PTPRN2: variants seen among roughly 807,000 people sequenced by gnomAD.
PTPRN2 encodes receptor-type tyrosine-protein phosphatase N2.
Under a neutral mutation model 118.8 loss-of-function variants are expected in PTPRN2, and 74 were observed. That is an observed-to-expected ratio of 0.62 (90% CI 0.52 to 0.76). The LOEUF (loss-of-function observed/expected upper bound fraction) is 0.76, where lower values mean the gene tolerates loss of function less well. Among genes scored for constraint, PTPRN2 ranks in the 30% least tolerant of loss-of-function variants. PTPRN2 has a pLI of 0.00. For synonymous variants in PTPRN2, 641 were observed against 608.0 expected (o/e 1.05, Z -0.80); for missense variants, 1,481 against 1,394.4 (o/e 1.06, Z -0.99).
chr7:158,228,901 G>A (rs901355671), intron 3 of PTPRN2, among the ~76,000 whole-genome samples: 1 of 152,084 alleles, frequency 6.6e-6, no homozygotes, highest in Admixed American at 6.5e-5. Flanking sequence ...AGAGATAAAA[G>A]GGGGAGGTGG....
Position 157,877,329 on chromosome 7 carries a change from C to G in PTPRN2, c.1788+21344G>C, listed in dbSNP as rs1434981578. On this transcript the variant is annotated intron_variant, in intron 12 of 22. Transcript: ENST00000389418. ...GGGACCCCGGGTCCGAGTGCAGCAC[C>G]AGGGTTTTCTCGGGGACCCCGGGTC... 2.7e-5 allele frequency among the ~76,000 whole-genome samples: 4 copies of G among 149,940 alleles called. 1 individual carries two copies. Among genetic ancestry groups the G allele is most frequent in the South Asian group, 4.3e-4 (2 of 4,698 alleles).
At chr7:158,320,129 T>TTG (rs1802867306) in intron 2 of PTPRN2, among the ~76,000 whole-genome samples, 1 of 46,518 alleles carries the variant, frequency 2.1e-5, no homozygotes, top group African/African-American at 9.1e-5. Context: ...ACAGCCTCCC[T>TTG]CACACACACA....
intron 21 of PTPRN2, among the ~76,000 whole-genome samples, chr7:157,567,416 G>A (rs1365371832): frequency 6.6e-6 from 1 of 152,228 alleles, no homozygotes; most frequent in East Asian, 1.9e-4. Flanking sequence ...GGGTAGGTGT[G>A]GGGTGTGGGG....
At chr7:158,151,636 G>A (rs1042220654) in intron 6 of PTPRN2, among the ~76,000 whole-genome samples, 1 of 152,140 alleles carries the variant, frequency 6.6e-6, no homozygotes, top group Non-Finnish European at 1.5e-5. Flanking sequence ...GCTTCAGGAG[G>A]TGAAATACTC....
intron 3 of PTPRN2, among the ~76,000 whole-genome samples, chr7:158,209,971 A>C (rs914390811): frequency 5.9e-5 from 9 of 152,096 alleles, no homozygotes; most frequent in African/African-American, 2.2e-4. Context: ...GAGGAAATTA[A>C]GGAGAAAATT....
chr7:158,392,971 C>T (rs958177143), intron 2 of PTPRN2, among the ~76,000 whole-genome samples: 3 of 152,212 alleles, frequency 2.0e-5, no homozygotes, highest in African/African-American at 7.2e-5. Context: ...ACCACCAGCC[C>T]CTCCAGGGAG....
chr7:158,197,132 C>CAGCA (rs1188237482), intron 4 of PTPRN2, among the ~76,000 whole-genome samples: 1 of 152,216 alleles, frequency 6.6e-6, no homozygotes, highest in Non-Finnish European at 1.5e-5. Flanking sequence ...TCTCCAAACA[C>CAGCA]AGCACTGTGG....
chr7:158,307,562 G>C (rs1242265845), intron 3 of PTPRN2, among the ~76,000 whole-genome samples: 1 of 152,110 alleles, frequency 6.6e-6, no homozygotes, highest in Non-Finnish European at 1.5e-5. Context: ...TGGAAAACAT[G>C]AATCTACATA....
intron 13 of PTPRN2, among the ~76,000 whole-genome samples, chr7:157,661,418 G>C: frequency 6.6e-6 from 1 of 152,280 alleles, no homozygotes; most frequent in East Asian, 1.9e-4. Flanking sequence ...CGCGCGGCCG[G>C]GGACGCTGCT....
intron 1 of PTPRN2, among the ~76,000 whole-genome samples, chr7:158,554,771 G>C (rs1356154797): frequency 1.3e-5 from 2 of 152,218 alleles, no homozygotes; most frequent in Admixed American, 1.3e-4. Context: ...ACTATAGGAT[G>C]TGGCTCCCCC....
chr7:157,793,994 C>G (rs1039479784), intron 12 of PTPRN2, among the ~76,000 whole-genome samples: 1 of 152,190 alleles, frequency 6.6e-6, no homozygotes, highest in African/African-American at 2.4e-5. Context: ...AGCCCCTTCC[C>G]GGGTCCCCAC....
At chr7:158,284,629 T>C (rs1404191659) in intron 3 of PTPRN2, among the ~76,000 whole-genome samples, 1 of 152,110 alleles carries the variant, frequency 6.6e-6, no homozygotes, top group Non-Finnish European at 1.5e-5. Context: ...CCCCTTCCTG[T>C]CCCACTCCAT....
At position 157,618,780 on chromosome 7, in the gene PTPRN2, T is replaced by A. The variant is rs1021563623; in HGVS notation, c.2344+2582A>T. The A allele has an allele frequency of 1.1e-4, 16 of 152,268 alleles. No individual in the cohort carries two copies. Among genetic ancestry groups the A allele is most frequent in the African/African-American group, 3.9e-4 (16 of 41,458 alleles). 9.4% of individuals were successfully genotyped at this position (152,268 alleles called of 1,614,324 possible). On this transcript the variant is annotated intron_variant, in intron 15 of 22. Transcript: ENST00000389418. The surrounding 1 kb of genome is among the most constrained non-coding windows in gnomAD (Gnocchi z 4.2). The stretch of plus-strand genomic sequence containing the variant: ...ATGTGTTCATGAAAATATTTCTATC[T>A]AGGGTTCTCCCAGGAGGTGAACTTG...
intron 2 of PTPRN2, among the ~76,000 whole-genome samples, chr7:158,319,602 G>C (rs1390121284): frequency 2.8e-4 from 4 of 14,178 alleles, no homozygotes; most frequent in Non-Finnish European, 5.9e-4. Context: ...CACGCACACA[G>C]CCTCCCTTGT....
intron 11 of PTPRN2, among the ~76,000 whole-genome samples, chr7:158,076,384 C>T (rs973944001): frequency 6.6e-5 from 10 of 152,310 alleles, no homozygotes; most frequent in Middle Eastern, 3.4e-3. Context: ...CTCCACCTGG[C>T]GTGGCCTCCC....
chr7:157,578,057 C>T lies in PTPRN2; in HGVS notation c.2580G>A (p.Trp860Ter). 6.2e-7 allele frequency: 1 copy of T among 1,613,468 alleles called. No homozygotes were observed. Among genetic ancestry groups the T allele is most frequent in the Non-Finnish European group, 8.5e-7 (1 of 1,179,568 alleles). ...GGTAGAGATTGGAGCCTTCATCCGG[C>T]CAGTAGTGGTAGCACTGCCGGACGC... ...ENGVRQCYHY[W>*]PDEGSNLYHI... Residue 860 changes from tryptophan (W) to a stop codon, truncating the protein, a stop_gained, in exon 18 of 23, where the codon TGG (tryptophan) becomes TGA (stop). Coordinates refer to ENST00000389418, the MANE Select transcript of PTPRN2 (RefSeq NM_002847.5). LOFTEE classifies it high-confidence loss of function.
Position 158,079,049 on chromosome 7 carries a change from G to A in PTPRN2, c.1723+2249C>T, listed in dbSNP as rs185021267. Reference sequence around the variant, plus strand: ...GTAGAGATGGGGTTTCACCATATTGGTCAGTCTGGTCTTGAACTCCCAACC... The same window carrying A: ...GTAGAGATGGGGTTTCACCATATTGATCAGTCTGGTCTTGAACTCCCAACC... On this transcript the variant is annotated intron_variant, in intron 11 of 22. Coordinates refer to ENST00000389418, the MANE Select transcript of PTPRN2 (RefSeq NM_002847.5). Among the ~76,000 whole-genome samples, 639 of 152,148 alleles carry A rather than the reference G, an allele frequency of 4.2e-3. 3 individuals are homozygous for A. Among genetic ancestry groups the A allele is most frequent in the Non-Finnish European group, 6.9e-3 (471 of 67,998 alleles).
chr7:158,540,883 G>A (rs1563414441), intron 1 of PTPRN2, among the ~76,000 whole-genome samples: 2 of 152,366 alleles, frequency 1.3e-5, no homozygotes, highest in South Asian at 4.1e-4. Flanking sequence ...CCAGTGGCTG[G>A]TAACAACGTG....
At chr7:158,263,233 A>G (rs1461951949) in intron 3 of PTPRN2, among the ~76,000 whole-genome samples, 1 of 152,148 alleles carries the variant, frequency 6.6e-6, no homozygotes, top group Non-Finnish European at 1.5e-5. Flanking sequence ...GCATGTGCCT[A>G]CTGTATGCAT....
Sources: allele counts gnomAD v4.1 joint callset (sites outside exome capture counted in the v4.1 genomes callset), GRCh38; gene constraint gnomAD v4.1.1; non-coding constraint Gnocchi (gnomAD v3.1); transcripts MANE v1.5; gene names NCBI Gene and HGNC (gene_info 2026-07-23, HGNC 2026-07-21).